Variants in LMO3 observed in about 807,000 individuals in gnomAD.
The protein encoded by LMO3 is LIM domain only 3, also known as LIM domain only protein 3.
Under a neutral mutation model 15.8 loss-of-function variants are expected in LMO3, and 2 were observed. The ratio of observed to expected loss-of-function variants is 0.13; its 90% CI spans 0.05 to 0.40. LMO3 has a LOEUF of 0.40. Ranked by LOEUF, LMO3 falls within the 10% of genes least tolerant of loss-of-function variation. The pLI is 0.99. For synonymous variants in LMO3, 62 were observed against 63.8 expected (o/e 0.97, Z 0.13); for missense variants, 86 against 182.2 (o/e 0.47, Z 3.04).
chr12:16,583,033 C>A (rs1565500725), intron 2 of LMO3, among the ~76,000 whole-genome samples: 1 of 114,348 alleles, frequency 8.7e-6, no homozygotes, highest in South Asian at 3.1e-4. Context: ...GGTGACAGTG[C>A]GAGACTCCGC....
chr12:16,609,693 G>A (rs1446657536), upstream of LMO3: 3 of 152,154 alleles, frequency 2.0e-5, no homozygotes, highest in South Asian at 6.2e-4. Context: ...AAATGGGGTG[G>A]AGGAGGGTGC....
chr12:16,574,014 T>TGCTTCTCC (rs1942913186), intron 2 of LMO3: 1 of 152,246 alleles, frequency 6.6e-6, no homozygotes, highest in Non-Finnish European at 1.5e-5. Context: ...GCCTAATTGC[T>TGCTTCTCC]GCTTCTCCGC....
intron 2 of LMO3, among the ~76,000 whole-genome samples, chr12:16,580,349 C>T (rs76670593): frequency 0.041 from 6,227 of 152,254 alleles, 201 homozygotes; most frequent in Non-Finnish European, 0.063. Flanking sequence ...AAAGACACCA[C>T]AAGGATGCAA....
Position 16,550,366 on chromosome 12 carries a change from T to C in LMO3, c.*856A>G, listed in dbSNP as rs2137237608. On this transcript the variant is annotated 3_prime_UTR_variant, in exon 4 of 4. Coordinates refer to ENST00000537304, the MANE Select transcript of LMO3 (RefSeq NM_018640.5). ...TAAAGTAACCCTTTGGAAAAAATTTTACGTGATACCCAAAGGCACTAGTTC... is the reference window on the plus strand; with the variant it reads ...TAAAGTAACCCTTTGGAAAAAATTTCACGTGATACCCAAAGGCACTAGTTC... 1 of 152,542 alleles carries C rather than the reference T, an allele frequency of 6.6e-6. No homozygotes were observed. The highest frequency in any genetic ancestry group is 1.5e-5 in the Non-Finnish European group (1 of 67,900). The allele number at this position is 152,542 out of a possible 1,614,324, so 9.4% of individuals were successfully genotyped here.
At chr12:16,578,961 T>C (rs1330521626) in intron 2 of LMO3, among the ~76,000 whole-genome samples, 2 of 152,230 alleles carry the variant, frequency 1.3e-5, no homozygotes, top group Non-Finnish European at 2.9e-5. Context: ...AAGTTCTTTA[T>C]TCTAATGAAG....
chr12:16,600,963 G>T, intron 1 of LMO3, 95 bp from the exon 2 acceptor site: 1 of 939,508 alleles, frequency 1.1e-6, no homozygotes, highest in Non-Finnish European at 1.6e-6. Flanking sequence ...CCTTATTCTA[G>T]GAGTGTTAGC....
chr12:16,567,094 G>A (rs528908256), intron 2 of LMO3, among the ~76,000 whole-genome samples: 1 of 152,262 alleles, frequency 6.6e-6, no homozygotes, highest in Admixed American at 6.5e-5. Flanking sequence ...TACTCAGGAG[G>A]CTGAGCCAGG....
In LMO3 at chr12:16,587,758, G is replaced by C. The variant is rs996192362; in HGVS notation, c.206+12897C>G. Among the ~76,000 whole-genome samples the C allele has an allele frequency of 6.6e-6, 1 of 151,468 alleles. No individual in the cohort carries two copies. Among genetic ancestry groups the C allele is most frequent in the African/African-American group, 2.4e-5 (1 of 41,294 alleles). ...AGTAAACACTGCCTTTGGTACACAG[G>C]GTTCTCTTAGCATTTATCTGTCTAA... On this transcript the variant is annotated intron_variant, in intron 2 of 3. Coordinates refer to ENST00000537304, the MANE Select transcript of LMO3 (RefSeq NM_018640.5). This position sits in a 1 kb window ranked among gnomAD's most constrained non-coding sequence, Gnocchi z 4.3.
At chr12:16,579,707 T>C (rs1943100039) in intron 2 of LMO3, among the ~76,000 whole-genome samples, 1 of 152,180 alleles carries the variant, frequency 6.6e-6, no homozygotes, top group Non-Finnish European at 1.5e-5. Context: ...TCAGTAAGAA[T>C]TCAGAAAATT....
rs1591830707 is a variant in LMO3 at position 16,599,728 on chromosome 12, A to G, written c.206+927T>C. On this transcript the variant is annotated intron_variant, in intron 2 of 3. Transcript: ENST00000537304. This position sits in a 1 kb window ranked among gnomAD's most constrained non-coding sequence, Gnocchi z 4.1. ...GAAGTAAGTCACAAAGTTGCCTGAA[A>G]AGCAAAATAATTTTCCTTCAGCAGA... 2.6e-5 allele frequency: 4 copies of G among 152,154 alleles called. No homozygotes were observed. The highest frequency in any genetic ancestry group is 2.6e-4 in the Admixed American group (4 of 15,264). The allele number at this position is 152,154 out of a possible 1,614,324, so 9.4% of individuals were successfully genotyped here.
upstream of LMO3, chr12:16,609,047 T>G (rs1277627836): frequency 1.3e-5 from 2 of 152,034 alleles, no homozygotes; most frequent in Non-Finnish European, 2.9e-5. Flanking sequence ...GGGAGAGAGA[T>G]AGAAAATAGC....
At chr12:16,608,786 A>G (rs1944076974), upstream of LMO3, 3 of 152,150 alleles carry the variant, frequency 2.0e-5, no homozygotes. This position sits in a 1 kb window ranked among gnomAD's most constrained non-coding sequence, Gnocchi z 4.1. Flanking sequence ...ATGCCAAACC[A>G]CATGTGTAAA....
Position 16,597,434 on chromosome 12 carries a change from T to A in LMO3, c.206+3221A>T, listed in dbSNP as rs1943693839. ...TAAATCACATCATCATTATCACTAC[T>A]CAAAGTAACACAAGTAAAACACAGA... On this transcript the variant is annotated intron_variant, in intron 2 of 3. Coordinates refer to ENST00000537304, the MANE Select transcript of LMO3 (RefSeq NM_018640.5). The surrounding 1 kb of genome is among the most constrained non-coding windows in gnomAD (Gnocchi z 5.0). Among the ~76,000 whole-genome samples the A allele has an allele frequency of 6.6e-6, 1 of 151,748 alleles. No homozygotes were observed. Among genetic ancestry groups the A allele is most frequent in the Admixed American group, 6.6e-5 (1 of 15,212 alleles).
In LMO3 at chr12:16,604,837, G is replaced by C; in HGVS notation, c.-9+1229C>G. 1 of 1,597,990 alleles carries C rather than the reference G, an allele frequency of 6.3e-7. No individual in the cohort carries two copies. Among genetic ancestry groups the C allele is most frequent in the Non-Finnish European group, 8.5e-7 (1 of 1,179,374 alleles). On this transcript the variant is annotated intron_variant, in intron 1 of 3. Transcript: ENST00000537304. This position sits in a 1 kb window ranked among gnomAD's most constrained non-coding sequence, Gnocchi z 5.3. Reference sequence around the variant, plus strand: ...GCCAGGAGTGCAGAGCGCCAGCAAAGTGCATCTATGATAGACTGTAACCTT... The same window carrying C: ...GCCAGGAGTGCAGAGCGCCAGCAAACTGCATCTATGATAGACTGTAACCTT...
intron 2 of LMO3, among the ~76,000 whole-genome samples, chr12:16,562,893 T>C (rs371240986): frequency 6.6e-6 from 1 of 152,202 alleles, no homozygotes; most frequent in East Asian, 1.9e-4. Context: ...CACAAAACAG[T>C]TCTCTGACGT....
chr12:16,569,591 G>A (rs1942738325), intron 2 of LMO3, among the ~76,000 whole-genome samples: 1 of 152,152 alleles, frequency 6.6e-6, no homozygotes, highest in African/African-American at 2.4e-5. Flanking sequence ...AAAATAGAAT[G>A]TTTTTCCCTT....
At position 16,591,379 on chromosome 12, in the gene LMO3, C is replaced by G. The variant is rs1420186367; in HGVS notation, c.206+9276G>C. 6.6e-6 allele frequency among the ~76,000 whole-genome samples: 1 copy of G among 151,968 alleles called. No homozygotes were observed. The highest frequency in any genetic ancestry group is 1.5e-5 in the Non-Finnish European group (1 of 67,952). Reference sequence around the variant, plus strand: ...CGTCTCAGTGAGGCTGTCTGCACCCCCTCCACACAAACCAAAATTCTACAA... The same window carrying G: ...CGTCTCAGTGAGGCTGTCTGCACCCGCTCCACACAAACCAAAATTCTACAA... On this transcript the variant is annotated intron_variant, in intron 2 of 3. Transcript: ENST00000537304. This position sits in a 1 kb window ranked among gnomAD's most constrained non-coding sequence, Gnocchi z 4.1.
rs535329525 is a variant in LMO3 at position 16,585,312 on chromosome 12, A to G, written c.206+15343T>C. 9.8e-5 allele frequency among the ~76,000 whole-genome samples: 15 copies of G among 152,306 alleles called. No homozygotes were observed. Among genetic ancestry groups the G allele is most frequent in the African/African-American group, 3.6e-4 (15 of 41,554 alleles). ...ACAAGTTATTGATTACTGCTTCAAGAAAAAGGATTTGCATATTTGTGTATA... is the reference window on the plus strand; with the variant it reads ...ACAAGTTATTGATTACTGCTTCAAGGAAAAGGATTTGCATATTTGTGTATA... On this transcript the variant is annotated intron_variant, in intron 2 of 3. Transcript: ENST00000537304. The surrounding 1 kb of genome is among the most constrained non-coding windows in gnomAD (Gnocchi z 4.7).
intron 2 of LMO3, among the ~76,000 whole-genome samples, chr12:16,575,630 T>C (rs1942969318): frequency 6.6e-6 from 1 of 152,164 alleles, no homozygotes; most frequent in African/African-American, 2.4e-5. Context: ...CATGCAGAAT[T>C]ATGTAATACA....
Sources: allele counts gnomAD v4.1 joint callset (sites outside exome capture counted in the v4.1 genomes callset), GRCh38; gene constraint gnomAD v4.1.1; non-coding constraint Gnocchi (gnomAD v3.1); transcripts MANE v1.5; gene names NCBI Gene and HGNC (gene_info 2026-07-23, HGNC 2026-07-21).